The following DOCK4 variants were observed in gnomAD, a reference collection of about 807,000 sequenced individuals.
DOCK4 encodes the protein dedicator of cytokinesis protein 4.
Under a neutral mutation model 268.1 loss-of-function variants are expected in DOCK4, and 97 were observed. The ratio of observed to expected loss-of-function variants is 0.36; its 90% confidence interval spans 0.31 to 0.43. The LOEUF is 0.43. Ranked by LOEUF, DOCK4 falls within the 20% of genes least tolerant of loss-of-function variation. DOCK4 has a pLI of 1.00. For synonymous variants in DOCK4, 954 were observed against 887.2 expected, an observed-to-expected ratio of 1.08 and a Z score of -1.34; for missense variants, 2,145 against 2,455.7, an observed-to-expected ratio of 0.87 and a Z score of 2.67.
Position 112,000,500 on chromosome 7 carries a change from A to ATTTGGGTTT in DOCK4, c.147_155dup (p.Lys49_Pro51dup), listed in dbSNP as rs1800335980. 2.0e-6 allele frequency: 3 copies of ATTTGGGTTT among 1,527,472 alleles called. No individual in the cohort carries two copies. Among genetic ancestry groups the ATTTGGGTTT allele is most frequent in the Non-Finnish European group, 2.7e-6 (3 of 1,122,416 alleles). The allele number at this position is 1,527,472 out of a possible 1,614,324, so 94.6% of individuals were successfully genotyped here. ...TAGAAATAACAATTTTTACCTTGATATTTGGGTTTTTTAAGGCAAATCCTC... is the reference window on the plus strand; with the variant it reads ...TAGAAATAACAATTTTTACCTTGATATTTGGGTTTTTTGGGTTTTTTAAGGCAAATCCTC... On this transcript the variant is annotated inframe_insertion, in exon 3 of 53. Transcript: ENST00000428084.
intron 47 of DOCK4, 76 bp from the exon 48 acceptor site, chr7:111,739,553 C>T: frequency 1.2e-5 from 16 of 1,304,910 alleles, no homozygotes; most frequent in Non-Finnish European, 1.7e-5. Flanking sequence ...GAAACAAAAT[C>T]ATCAACTTTT....
At position 111,901,640 on chromosome 7, in the gene DOCK4, G is replaced by C. The variant is rs542962497; in HGVS notation, c.1317+37C>G. The C allele has an allele frequency of 6.9e-6, 11 of 1,604,818 alleles. No homozygotes were observed. The East Asian group carries it at 2.5e-4, about 36-fold the overall frequency. On this transcript the variant is annotated intron_variant, in intron 14 of 52. Coordinates refer to ENST00000428084, the MANE Select transcript of DOCK4 (RefSeq NM_001363540.2). Reference sequence around the variant, plus strand: ...AAGATTAAGTGAAAGCAATTATACAGACTTGTTTGACCTGGAAATATCAAG... The same window carrying C: ...AAGATTAAGTGAAAGCAATTATACACACTTGTTTGACCTGGAAATATCAAG...
intron 1 of DOCK4, among the ~76,000 whole-genome samples, chr7:112,196,959 A>G (rs1820507457): frequency 6.6e-6 from 1 of 152,110 alleles, no homozygotes; most frequent in Admixed American, 6.6e-5. Context: ...GCAAATTTCA[A>G]GTATACATTA....
chr7:112,025,396 C>G (rs796569577), intron 1 of DOCK4, among the ~76,000 whole-genome samples: 18 of 152,268 alleles, frequency 1.2e-4, no homozygotes, highest in African/African-American at 4.1e-4. Context: ...AGTAGCTACT[C>G]ACTGTGCATC....
chr7:112,152,996 C>CA (rs1816248866), intron 1 of DOCK4, among the ~76,000 whole-genome samples: 1 of 152,098 alleles, frequency 6.6e-6, no homozygotes, highest in South Asian at 2.1e-4. Flanking sequence ...TCAGTGGTCA[C>CA]ACAGAATGCC....
chr7:112,076,985 G>A (rs1025371699), intron 1 of DOCK4, among the ~76,000 whole-genome samples: 19 of 152,076 alleles, frequency 1.2e-4, no homozygotes, highest in Non-Finnish European at 1.9e-4. Context: ...ATGGCAAGGT[G>A]TATATAGTAA....
At chr7:112,052,121 GC>G in intron 1 of DOCK4, among the ~76,000 whole-genome samples, 1 of 152,122 alleles carries the variant, frequency 6.6e-6, no homozygotes, top group South Asian at 2.1e-4. Context: ...CAATGTAAAC[GC>G]TATGTAAATA....
chr7:112,078,706 A>T (rs1442985003), intron 1 of DOCK4, among the ~76,000 whole-genome samples: 2 of 152,200 alleles, frequency 1.3e-5, no homozygotes, highest in African/African-American at 4.8e-5. Flanking sequence ...AAGAAAGCAG[A>T]GGCATAGGAA....
intron 12 of DOCK4, among the ~76,000 whole-genome samples, chr7:111,919,994 A>C (rs1226973526): frequency 6.6e-6 from 1 of 152,234 alleles, no homozygotes; most frequent in Non-Finnish European, 1.5e-5. Flanking sequence ...GTAAGAAACA[A>C]CATAATGAAG....
In DOCK4 at chr7:111,916,980, G is replaced by GTTTTTTT. The variant is rs749349556; in HGVS notation, c.1067-1083_1067-1077dup. 6.1e-4 allele frequency among the ~76,000 whole-genome samples: 51 copies of GTTTTTTT among 83,974 alleles called. 8 individuals carry two copies. In the East Asian group the frequency reaches 0.012, roughly 20 times the overall value. The allele number at this position is 83,974 out of a possible 152,430, so 55.1% of individuals were successfully genotyped here. ...ACCCACCTCCCACCCTTTCCCCCATGTTTTTTTTTTTTTTTTTTTTTTTTT... is the reference window on the plus strand; with the variant it reads ...ACCCACCTCCCACCCTTTCCCCCATGTTTTTTTTTTTTTTTTTTTTTTTTTTTTTTTT... On this transcript the variant is annotated intron_variant, in intron 12 of 52. Transcript: ENST00000428084.
intron 1 of DOCK4, among the ~76,000 whole-genome samples, chr7:112,179,575 T>C (rs1466634932): frequency 6.6e-6 from 1 of 151,672 alleles, no homozygotes; most frequent in Non-Finnish European, 1.5e-5. Flanking sequence ...CAGAAGTGAA[T>C]TAAACATGCC....
rs983208425 is a variant in DOCK4 at position 111,962,916 on chromosome 7, C to T, written c.701+14216G>A. Among the ~76,000 whole-genome samples, 2 of 152,152 alleles carry T rather than the reference C, an allele frequency of 1.3e-5. 1 individual carries two copies. The highest frequency in any genetic ancestry group is 4.1e-4 in the South Asian group (2 of 4,820). The stretch of plus-strand genomic sequence containing the variant: ...GATAACACTTTTTCCAGAAGTACTA[C>T]CCTGGTGCTATTTTCTCAAATAAAG... On this transcript the variant is annotated intron_variant, in intron 8 of 52. Coordinates refer to ENST00000428084, the MANE Select transcript of DOCK4 (RefSeq NM_001363540.2).
chr7:112,066,497 CCT>C (rs750323799), intron 1 of DOCK4, among the ~76,000 whole-genome samples: 60 of 129,900 alleles, frequency 4.6e-4, no homozygotes, highest in East Asian at 1.5e-3. Flanking sequence ...TCTCTCTCTC[CCT>C]CTCTCTCTCT....
At chr7:111,798,470 A>G (rs1282040552) in intron 30 of DOCK4, among the ~76,000 whole-genome samples, 1 of 152,160 alleles carries the variant, frequency 6.6e-6, no homozygotes, top group African/African-American at 2.4e-5. Flanking sequence ...CTCAGAAGAA[A>G]CTCTAATCCA....
intron 13 of DOCK4, among the ~76,000 whole-genome samples, chr7:111,908,984 A>G (rs1235658203): frequency 6.6e-6 from 1 of 152,200 alleles, no homozygotes; most frequent in Non-Finnish European, 1.5e-5. Context: ...TAGTGCCGCA[A>G]TAAACAAATG....
At chr7:112,155,854 C>A (rs190948130) in intron 1 of DOCK4, among the ~76,000 whole-genome samples, 1 of 152,206 alleles carries the variant, frequency 6.6e-6, no homozygotes, top group Admixed American at 6.5e-5. Context: ...TCCTATGTGA[C>A]AGCCACTGGC....
At chr7:112,151,059 G>C (rs370361222) in intron 1 of DOCK4, among the ~76,000 whole-genome samples, 1 of 152,276 alleles carries the variant, frequency 6.6e-6, no homozygotes. Flanking sequence ...GACTTTCCAT[G>C]ATAGGAGGAG....
chr7:111,868,237 T>A, intron 21 of DOCK4, 83 bp from the exon 22 acceptor site: 2 of 1,073,310 alleles, frequency 1.9e-6, no homozygotes, highest in African/African-American at 1.6e-5. Context: ...AAAACCATGG[T>A]ATGGCATTAA....
chr7:111,801,621 C>T (rs1367012788), intron 30 of DOCK4: 20 of 151,676 alleles, frequency 1.3e-4, no homozygotes, highest in Admixed American at 1.3e-3. Flanking sequence ...TCCCAAAGGA[C>T]TGCTTAGTTT....
Sources: allele counts gnomAD v4.1 joint callset (sites outside exome capture counted in the v4.1 genomes callset), GRCh38; gene constraint gnomAD v4.1.1; transcripts MANE v1.5; gene names NCBI Gene and HGNC (gene_info 2026-07-23, HGNC 2026-07-21).